Variants in SLC1A1 observed in about 807,000 individuals in gnomAD.
SLC1A1 encodes the protein solute carrier family 1 member 1.
A neutral mutation model predicts 53.3 loss-of-function variants in SLC1A1; 43 were observed. The observed-to-expected ratio is 0.81, with a 90% CI of 0.63 to 1.04. The LOEUF (loss-of-function observed/expected upper bound fraction) is 1.04. SLC1A1 is among the 50% of genes least tolerant of loss of function. The pLI, the probability that SLC1A1 is intolerant of heterozygous loss-of-function variation, is 0.00. For synonymous variants in SLC1A1, 307 were observed against 243.2 expected (o/e 1.26, Z -2.44); for missense variants, 748 against 664.9 (o/e 1.12, Z -1.37).
At chr9:4,544,256 G>A (rs1261844920) in intron 1 of SLC1A1, among the ~76,000 whole-genome samples, 1 of 152,162 alleles carries the variant, frequency 6.6e-6, no homozygotes, top group East Asian at 1.9e-4. Context: ...ATACTGGATT[G>A]ACTAAGATGA....
At chr9:4,511,917 A>C (rs1821012941) in intron 1 of SLC1A1, among the ~76,000 whole-genome samples, 1 of 152,236 alleles carries the variant, frequency 6.6e-6, no homozygotes, top group Admixed American at 6.5e-5. Flanking sequence ...TGTTATTTCT[A>C]TATGTTAACA....
chr9:4,546,947 G>C (rs964212991), intron 2 of SLC1A1, among the ~76,000 whole-genome samples: 1 of 152,296 alleles, frequency 6.6e-6, no homozygotes, highest in East Asian at 1.9e-4. Context: ...CAATACTATT[G>C]AACTCATGTG....
At chr9:4,584,700 G>C (rs1194017272) in intron 11 of SLC1A1, among the ~76,000 whole-genome samples, 1 of 152,130 alleles carries the variant, frequency 6.6e-6, no homozygotes, top group African/African-American at 2.4e-5. Context: ...CTCTTCCCCA[G>C]GCTCTCTGGA....
intron 1 of SLC1A1, among the ~76,000 whole-genome samples, chr9:4,524,943 C>A (rs1051450102): frequency 3.9e-5 from 6 of 152,172 alleles, no homozygotes; most frequent in African/African-American, 1.4e-4. Flanking sequence ...ACCCCAAGGG[C>A]TCCCACTGGG....
intron 2 of SLC1A1, among the ~76,000 whole-genome samples, chr9:4,545,480 A>G (rs1006353298): frequency 4.6e-5 from 7 of 152,200 alleles, no homozygotes; most frequent in Non-Finnish European, 8.8e-5. Context: ...ATAGTTGTCA[A>G]TTTTGATCAT....
chr9:4,534,957 C>T (rs1355894275), intron 1 of SLC1A1, among the ~76,000 whole-genome samples: 2 of 152,090 alleles, frequency 1.3e-5, no homozygotes, highest in Non-Finnish European at 2.9e-5. Flanking sequence ...CAACAAAAAC[C>T]ATATGATTAT....
At chr9:4,573,456 T>C (rs1486728543) in intron 7 of SLC1A1, among the ~76,000 whole-genome samples, 1 of 152,158 alleles carries the variant, frequency 6.6e-6, no homozygotes, top group Non-Finnish European at 1.5e-5. Context: ...GCTCCACAAA[T>C]AGAGCTATTA....
chr9:4,536,238 G>A (rs199500906), intron 1 of SLC1A1, among the ~76,000 whole-genome samples: 2 of 152,036 alleles, frequency 1.3e-5, no homozygotes, highest in South Asian at 2.1e-4. Flanking sequence ...AAAAGAAACT[G>A]CCATCAGAGT....
intron 1 of SLC1A1, among the ~76,000 whole-genome samples, chr9:4,491,719 T>G (rs1030921436): frequency 6.6e-6 from 1 of 152,202 alleles, no homozygotes; most frequent in Non-Finnish European, 1.5e-5. Context: ...TGATAGCTCC[T>G]CAGCAGGTGA....
intron 1 of SLC1A1, among the ~76,000 whole-genome samples, chr9:4,510,714 T>C (rs1820972813): frequency 6.6e-6 from 1 of 152,224 alleles, no homozygotes; most frequent in Non-Finnish European, 1.5e-5. Context: ...TTCTGATCCC[T>C]ATTAGTTCAA....
At chr9:4,519,707 C>G (rs142809640) in intron 1 of SLC1A1, among the ~76,000 whole-genome samples, 131 of 152,272 alleles carry the variant, frequency 8.6e-4, no homozygotes, top group African/African-American at 2.8e-3. Context: ...GATGAGGATA[C>G]AGAGGCTTAG....
chr9:4,585,731 G>C lies in SLC1A1; in HGVS notation c.*173G>C. On this transcript the variant is annotated 3_prime_UTR_variant, in exon 12 of 12. Coordinates refer to ENST00000262352, the MANE Select transcript of SLC1A1 (RefSeq NM_004170.6). ...TCACAGCCTTTGCGCTCTGGGTTTT[G>C]GGATTTGGGTGTGGGGTAAGTTGAA... is the stretch of plus-strand genomic sequence containing the variant. The C allele has an allele frequency of 1.3e-6, 1 of 796,080 alleles. No individual in the cohort carries two copies. Among genetic ancestry groups the C allele is most frequent in the Non-Finnish European group, 2.0e-6 (1 of 505,308 alleles). 49.3% of individuals were successfully genotyped at this position (796,080 alleles called of 1,614,324 possible).
intron 2 of SLC1A1, among the ~76,000 whole-genome samples, chr9:4,554,750 G>A (rs904859661): frequency 6.6e-6 from 1 of 152,204 alleles, no homozygotes; most frequent in African/African-American, 2.4e-5. Flanking sequence ...TGCCATTGAA[G>A]GGTTATCCTG....
At chr9:4,551,247 C>T (rs1159632672) in intron 2 of SLC1A1, among the ~76,000 whole-genome samples, 1 of 152,060 alleles carries the variant, frequency 6.6e-6, no homozygotes, top group Non-Finnish European at 1.5e-5. Flanking sequence ...TTCATTTACT[C>T]AGAGGCAGCT....
At chr9:4,510,789 T>C (rs1021679280) in intron 1 of SLC1A1, among the ~76,000 whole-genome samples, 1 of 152,208 alleles carries the variant, frequency 6.6e-6, no homozygotes, top group Non-Finnish European at 1.5e-5. Context: ...TTCCTCAATA[T>C]AGTCTTGGGA....
chr9:4,585,190 G>A, intron 11 of SLC1A1, 122 bp from the exon 12 acceptor site: 1 of 1,333,074 alleles, frequency 7.5e-7, no homozygotes, highest in South Asian at 1.2e-5. Context: ...AGTCAGCCAT[G>A]AGGACAGCAC....
At chr9:4,520,277 C>T (rs1816022606) in intron 1 of SLC1A1, among the ~76,000 whole-genome samples, 1 of 152,046 alleles carries the variant, frequency 6.6e-6, no homozygotes, top group Admixed American at 6.5e-5. Context: ...AATATTTGTG[C>T]TATTAGTATG....
chr9:4,585,259 T>C, intron 11 of SLC1A1, 53 bp from the exon 12 acceptor site: 1 of 1,609,188 alleles, frequency 6.2e-7, no homozygotes. Context: ...TCTCCAGTGA[T>C]GAAGGAAAAT....
At chr9:4,541,582 T>C (rs899283053) in intron 1 of SLC1A1, among the ~76,000 whole-genome samples, 3 of 152,128 alleles carry the variant, frequency 2.0e-5, no homozygotes, top group Non-Finnish European at 4.4e-5. Flanking sequence ...CTGGCACCCT[T>C]TAGTAATTTA....
Sources: gnomAD v4.1 joint callset for allele counts (sites outside exome capture counted in the v4.1 genomes callset) on GRCh38, gnomAD v4.1.1 for gene constraint, MANE v1.5 for transcripts, NCBI Gene and HGNC (gene_info 2026-07-23, HGNC 2026-07-21) for gene names.